The following EYS variants were observed in gnomAD, a reference collection of about 807,000 sequenced individuals.
EYS encodes protein eyes shut homolog.
Under a neutral mutation model 282.1 loss-of-function variants are expected in EYS, and 250 were observed. The ratio of observed to expected loss-of-function variants is 0.89; its 90% CI spans 0.80 to 0.98. EYS has a LOEUF of 0.98. EYS is among the 50% of genes least tolerant of loss of function. The probability of loss-of-function intolerance (pLI) is 0.00; values close to 1 mark genes in which losing one functional copy is unlikely to be tolerated. For synonymous variants in EYS, 1,355 were observed against 1,282.9 expected (o/e 1.06, Z -1.20); for missense variants, 4,016 against 3,709.0 (o/e 1.08, Z -2.15).
chr6:65,578,695 T>G (rs1179000378), intron 2 of EYS, among the ~76,000 whole-genome samples: 1 of 152,076 alleles, frequency 6.6e-6, no homozygotes, highest in Non-Finnish European at 1.5e-5. Flanking sequence ...CAATACATGT[T>G]GTATACCACA....
intron 12 of EYS, among the ~76,000 whole-genome samples, chr6:65,069,173 C>A (rs186058929): frequency 4.5e-4 from 69 of 152,006 alleles, no homozygotes; most frequent in African/African-American, 1.1e-3. Flanking sequence ...TATCTCCTTC[C>A]TCATCTCTTG....
chr6:64,097,093 GCCTGATGGTT>G (rs1428408046), intron 31 of EYS, among the ~76,000 whole-genome samples: 1 of 152,166 alleles, frequency 6.6e-6, no homozygotes, highest in African/African-American at 2.4e-5. Flanking sequence ...AAATGTTGCT[GCCTGATGGTT>G]CCTCTGGAAG....
intron 10 of EYS, among the ~76,000 whole-genome samples, chr6:65,340,111 C>G (rs971492988): frequency 2.6e-5 from 4 of 150,972 alleles, no homozygotes; most frequent in African/African-American, 9.7e-5. Context: ...GGATTAAGAC[C>G]TAGTCATAAA....
chr6:65,118,848 C>T (rs1775450594), intron 12 of EYS, among the ~76,000 whole-genome samples: 1 of 143,902 alleles, frequency 6.9e-6, no homozygotes, highest in South Asian at 2.2e-4. Context: ...GAAATGACTG[C>T]AAATAAACAA....
At chr6:64,309,158 T>C (rs1199989825) in intron 29 of EYS, among the ~76,000 whole-genome samples, 1 of 152,162 alleles carries the variant, frequency 6.6e-6, no homozygotes, top group Non-Finnish European at 1.5e-5. Flanking sequence ...AAAGTATGTT[T>C]ACATTGCAGT....
intron 36 of EYS, among the ~76,000 whole-genome samples, chr6:63,815,772 G>A (rs1378514677): frequency 1.3e-5 from 2 of 152,124 alleles, no homozygotes; most frequent in East Asian, 3.9e-4. Flanking sequence ...AGGTTTCTAA[G>A]TGCTTGAACG....
At chr6:64,836,271 TATC>T (rs1765379856) in intron 19 of EYS, among the ~76,000 whole-genome samples, 3 of 150,730 alleles carry the variant, frequency 2.0e-5, no homozygotes, top group Admixed American at 6.7e-5. Context: ...GAGGAATACA[TATC>T]ATGAATATAT....
chr6:63,766,877 T>G (rs1255800306), intron 40 of EYS, among the ~76,000 whole-genome samples: 1 of 151,918 alleles, frequency 6.6e-6, no homozygotes, highest in Admixed American at 6.6e-5. Context: ...AGGGAAAACA[T>G]AAAGAATCCA....
chr6:65,657,912 A>G (rs1424159162), intron 1 of EYS, among the ~76,000 whole-genome samples: 1 of 151,856 alleles, frequency 6.6e-6, no homozygotes, highest in Non-Finnish European at 1.5e-5. Context: ...TTCCTTCATC[A>G]GTCAGCAAAA....
At chr6:65,510,218 G>A (rs540145015) in intron 2 of EYS, among the ~76,000 whole-genome samples, 1 of 123,484 alleles carries the variant, frequency 8.1e-6, no homozygotes, top group Non-Finnish European at 1.6e-5. Flanking sequence ...TCCCCTTCCT[G>A]TGTCCATGTG....
At chr6:63,932,212 T>G (rs1764915814) in intron 35 of EYS, among the ~76,000 whole-genome samples, 2 of 152,230 alleles carry the variant, frequency 1.3e-5, no homozygotes, top group African/African-American at 4.8e-5. Context: ...ATGTCCCACA[T>G]TTTCCTTATC....
chr6:64,313,050 T>C (rs752453251), intron 29 of EYS, among the ~76,000 whole-genome samples: 2 of 152,274 alleles, frequency 1.3e-5, no homozygotes, highest in East Asian at 3.9e-4. Flanking sequence ...TTGGAAGAAG[T>C]AGGCTTCAGA....
chr6:64,391,653 A>T (rs1189422142), intron 28 of EYS, among the ~76,000 whole-genome samples: 1 of 152,136 alleles, frequency 6.6e-6, no homozygotes, highest in Non-Finnish European at 1.5e-5. Context: ...AACAACCCGT[A>T]CCAGCCGCTG....
At chr6:65,702,933 T>A in intron 1 of EYS, among the ~76,000 whole-genome samples, 1 of 152,134 alleles carries the variant, frequency 6.6e-6, no homozygotes, top group Admixed American at 6.6e-5. Context: ...TTATTAACAT[T>A]TAAATCAGGA....
intron 40 of EYS, among the ~76,000 whole-genome samples, chr6:63,770,719 A>G (rs1233971451): frequency 6.6e-6 from 1 of 152,144 alleles, no homozygotes; most frequent in African/African-American, 2.4e-5. Flanking sequence ...GGTAAGTGTG[A>G]TATGATGTAT....
chr6:64,300,143 C>T (rs942176525), intron 30 of EYS, among the ~76,000 whole-genome samples: 3 of 152,114 alleles, frequency 2.0e-5, no homozygotes, highest in Admixed American at 6.5e-5. Context: ...GGTATATAAA[C>T]CCATTTATTT....
intron 31 of EYS, among the ~76,000 whole-genome samples, chr6:64,202,416 AT>A (rs899831366): frequency 2.0e-5 from 3 of 152,162 alleles, no homozygotes; most frequent in African/African-American, 7.2e-5. Context: ...TTTCTTGTTT[AT>A]TTTTTAGAAA....
intron 24 of EYS, among the ~76,000 whole-genome samples, chr6:64,607,592 C>T (rs1562089250): frequency 6.6e-6 from 1 of 152,044 alleles, no homozygotes; most frequent in Non-Finnish European, 1.5e-5. Context: ...GCCCTACATT[C>T]TAATACCATA....
chr6:64,464,942 A>G (rs1231902127), intron 26 of EYS, among the ~76,000 whole-genome samples: 3 of 152,030 alleles, frequency 2.0e-5, no homozygotes, highest in Non-Finnish European at 4.4e-5. Flanking sequence ...AAATAAAACT[A>G]TCATTTAAAA....
Sources: gnomAD v4.1 joint callset for allele counts (sites outside exome capture counted in the v4.1 genomes callset) on GRCh38, gnomAD v4.1.1 for gene constraint, MANE v1.5 for transcripts, NCBI Gene and HGNC (gene_info 2026-07-23, HGNC 2026-07-21) for gene names.